NBPF14: variants seen among roughly 807,000 people sequenced by gnomAD.
NBPF14 encodes NBPF family member NBPF14.
A neutral mutation model predicts 91.2 loss-of-function variants in NBPF14; 104 were observed. The observed-to-expected ratio is 1.14, with a 90% confidence interval of 0.97 to 1.34. NBPF14 has a LOEUF of 1.34. NBPF14 is among the 40% of genes most tolerant of loss of function. NBPF14 has a pLI of 0.00. For synonymous variants in NBPF14, 294 were observed against 303.8 expected (o/e 0.97, Z 0.34); for missense variants, 908 against 783.0 (o/e 1.16, Z -1.91).
At position 148,572,683 on chromosome 1, in the gene NBPF14, T is replaced by G. The variant is rs1323198886; in HGVS notation, c.2586-68A>C. 1.6e-3 allele frequency: 1,109 copies of G among 682,044 alleles called. 134 individuals are homozygous for G. The highest frequency in any genetic ancestry group is 2.6e-3 in the Non-Finnish European group (978 of 383,070). The allele number at this position is 682,044 out of a possible 1,614,324, so 42.2% of individuals were successfully genotyped here. Reference sequence around the variant, plus strand: ...AGAAACCACACAGCCCCAGCTAGATTTCATGGCTAACGTAAGGAAGAGTTT... The same window carrying G: ...AGAAACCACACAGCCCCAGCTAGATGTCATGGCTAACGTAAGGAAGAGTTT... On this transcript the variant is annotated intron_variant, in intron 20 of 70. Coordinates refer to ENST00000619423, the Ensembl canonical transcript of NBPF14.
chr1:148,572,383 A>G, intron 21 of NBPF14, 60 bp downstream of exon 21: 1 of 383,988 alleles, frequency 2.6e-6, no homozygotes, highest in Non-Finnish European at 4.4e-6. Context: ...TGGAACAGGA[A>G]TATCACCCCT....
chr1:148,536,059 C>G (rs1655152316), intron 67 of NBPF14, among the ~76,000 whole-genome samples, 165 bp downstream of exon 67: 1 of 149,804 alleles, frequency 6.7e-6, no homozygotes, highest in African/African-American at 2.4e-5. Flanking sequence ...CATCCCTTGT[C>G]TGGGCTTCCA....
exon 2 of NBPF14, chr1:148,595,600 C>T: frequency 1.3e-6 from 2 of 1,577,872 alleles, no homozygotes; most frequent in Non-Finnish European, 1.7e-6. Context: ...AAACATTTCT[C>T]TTTGAGGTTT....
At chr1:148,587,530 G>A in intron 7 of NBPF14, 127 bp from the exon 8 acceptor site, 3 of 1,051,146 alleles carry the variant, frequency 2.9e-6, no homozygotes, top group African/African-American at 1.6e-5. Context: ...TCTAGACAGG[G>A]ATTTCAACAT....
intron 37 of NBPF14, 73 bp downstream of exon 37, chr1:148,559,720 C>A (rs1162917724): frequency 1.0e-5 from 8 of 797,000 alleles, no homozygotes; most frequent in South Asian, 1.5e-5. Flanking sequence ...CAGTAAGGGC[C>A]ACTTGCAGTA....
intron 6 of NBPF14, among the ~76,000 whole-genome samples, chr1:148,589,916 G>A (rs1190250382): frequency 6.8e-6 from 1 of 148,114 alleles, no homozygotes; most frequent in Non-Finnish European, 1.5e-5. Flanking sequence ...ATTCTTAGTA[G>A]AGATGGGGTT....
In NBPF14 at chr1:148,589,877, C is replaced by G. The variant is rs1340924295; in HGVS notation, c.779-484G>C. Among the ~76,000 whole-genome samples, 141 of 147,642 alleles carry G rather than the reference C, an allele frequency of 9.6e-4. 11 individuals carry two copies. The highest frequency in any genetic ancestry group is 7.4e-3 in the Middle Eastern group (2 of 272). On this transcript the variant is annotated intron_variant, in intron 6 of 70. Transcript: ENST00000619423. ...CCTGCCAAGCATCTGGGATTACAAG[C>G]GCCAAGTAACATGCCAGCTAATTTT...
At position 148,572,607 on chromosome 1, in the gene NBPF14, C is replaced by T. The variant is rs1219200699; in HGVS notation, c.2594G>A (p.Arg865Lys). ...AGGCTCTTTCTCATCCAGCAGCTCC[C>T]TGCTGAGCCTGGAAAAGTGGGAAAA... Residue 865 changes from arginine (R) to lysine (K), a missense_variant, in exon 21 of 71, where the codon AGG (arginine) becomes AAG (lysine). Transcript: ENST00000619423. 1,602 of 570,702 alleles carry T rather than the reference C, an allele frequency of 2.8e-3. 220 individuals carry two copies. In the South Asian group the frequency reaches 0.03, roughly 11 times the overall value. The allele number at this position is 570,702 out of a possible 1,614,324, so 35.4% of individuals were successfully genotyped here. A position where few individuals can be genotyped will look rare whatever the true frequency, so the allele number is the denominator to read the frequency against.
intron 68 of NBPF14, among the ~76,000 whole-genome samples, 156 bp from the exon 69 acceptor site, chr1:148,535,012 C>A (rs1426887407): frequency 1.4e-5 from 2 of 146,986 alleles, no homozygotes; most frequent in Admixed American, 6.7e-5. Context: ...TTGGGATAGA[C>A]CAGGGCCAGG....
At position 148,561,818 on chromosome 1, in the gene NBPF14, CAG is replaced by C. The variant is rs1192573908; in HGVS notation, c.4275-241_4275-240del. Among the ~76,000 whole-genome samples, 622 of 128,514 alleles carry C rather than the reference CAG, an allele frequency of 4.8e-3. 31 individuals are homozygous for C. Among genetic ancestry groups the C allele is most frequent in the African/African-American group, 0.017 (421 of 24,906 alleles). The allele number at this position is 128,514 out of a possible 152,430, so 84.3% of individuals were successfully genotyped here. ...ACACACACAAACACACACACACACA[CAG>C]AGAGAGAGAGAGAGAGAGAGAGAGA... On this transcript the variant is annotated intron_variant, in intron 34 of 70. Coordinates refer to ENST00000619423, the Ensembl canonical transcript of NBPF14.
chr1:148,587,364 C>T (rs1458576641), exon 8 of NBPF14: 6 of 1,582,924 alleles, frequency 3.8e-6, no homozygotes, highest in East Asian at 2.2e-5. Context: ...TCGCTCATTC[C>T]TCAGCATAAA....
At chr1:148,560,128 C>G (rs1186811660) in intron 36 of NBPF14, among the ~76,000 whole-genome samples, 163 bp from the exon 37 acceptor site, 4 of 150,702 alleles carry the variant, frequency 2.7e-5, no homozygotes, top group Admixed American at 2.0e-4. Flanking sequence ...AGAACAGGGC[C>G]AGGTAGAAAA....
intron 37 of NBPF14, among the ~76,000 whole-genome samples, chr1:148,559,583 G>T (rs1657291127): frequency 8.1e-6 from 1 of 123,308 alleles, no homozygotes; most frequent in Non-Finnish European, 1.6e-5. Context: ...CACAGGCATG[G>T]CCTGAGACTA....
chr1:148,586,866 G>A (rs1205881242), intron 8 of NBPF14, among the ~76,000 whole-genome samples: 1 of 140,136 alleles, frequency 7.1e-6, no homozygotes, highest in African/African-American at 2.6e-5. Flanking sequence ...TGCAGATGGG[G>A]CGAATTGAAA....
At chr1:148,534,520 G>A (rs1351664455) in intron 69 of NBPF14, among the ~76,000 whole-genome samples, 164 bp downstream of exon 69, 1 of 151,762 alleles carries the variant, frequency 6.6e-6, no homozygotes, top group South Asian at 2.1e-4. Flanking sequence ...TTCATGTCTA[G>A]GCTTCCAGCT....
chr1:148,534,778 T>A (rs1553332460), exon 69 of NBPF14: 12 of 847,148 alleles, frequency 1.4e-5, no homozygotes, highest in South Asian at 6.6e-5. Flanking sequence ...CAAGATAACC[T>A]GAAGGAGTCG....
chr1:148,534,221 A>C (rs587660539), intron 69 of NBPF14, among the ~76,000 whole-genome samples: 4 of 151,158 alleles, frequency 2.6e-5, no homozygotes, highest in Non-Finnish European at 4.4e-5. Flanking sequence ...AAGTTTCTGC[A>C]AACAGTTACG....
chr1:148,534,408 C>A (rs1175909202), intron 69 of NBPF14, among the ~76,000 whole-genome samples: 2 of 151,738 alleles, frequency 1.3e-5, no homozygotes, highest in Non-Finnish European at 2.9e-5. Context: ...TCACAGTTCT[C>A]TGAATTTGTC....
At chr1:148,595,481 G>C (rs1663171287) in intron 2 of NBPF14, 62 bp downstream of exon 2, 1 of 1,202,376 alleles carries the variant, frequency 8.3e-7, no homozygotes, top group South Asian at 1.3e-5. Flanking sequence ...AGCATTTAGT[G>C]TCTCAGAGAG....
Sources: allele counts gnomAD v4.1 joint callset (sites outside exome capture counted in the v4.1 genomes callset), GRCh38; gene constraint gnomAD v4.1.1; transcripts MANE v1.5; gene names NCBI Gene and HGNC (gene_info 2026-07-23, HGNC 2026-07-21).